Variants in FARS2 observed in about 807,000 individuals in gnomAD.
FARS2 encodes the protein phenylalanyl-tRNA synthetase 2, mitochondrial, also known as phenylalanine--tRNA ligase, mitochondrial.
FARS2 carries 40 observed loss-of-function variants against 46.4 expected under a neutral mutation model. The ratio of observed to expected loss-of-function variants is 0.86; its 90% CI spans 0.67 to 1.12. The LOEUF is 1.12. FARS2 is among the 50% of genes most tolerant of loss of function. The pLI is 0.00. For missense variants in FARS2, 513 were observed against 567.9 expected (o/e 0.90, Z 0.98); for synonymous variants, 234 against 214.9 (o/e 1.09, Z -0.78).
chr6:5,354,808 C>T (rs542741493), intron 1 of FARS2, among the ~76,000 whole-genome samples: 6 of 152,126 alleles, frequency 3.9e-5, no homozygotes, highest in Admixed American at 1.3e-4. Context: ...CCACCGCGCC[C>T]GGCCTATGCT....
At chr6:5,374,428 TA>T (rs1759251353) in intron 2 of FARS2, among the ~76,000 whole-genome samples, 1 of 152,044 alleles carries the variant, frequency 6.6e-6, no homozygotes, top group Non-Finnish European at 1.5e-5. Context: ...AAATTAAAGA[TA>T]AAAGCATTCA....
At chr6:5,340,847 G>C (rs1361122810) in intron 1 of FARS2, among the ~76,000 whole-genome samples, 2 of 151,818 alleles carry the variant, frequency 1.3e-5, no homozygotes, top group African/African-American at 4.8e-5. Context: ...GGGAATAGAA[G>C]ACACAAAATG....
chr6:5,383,760 C>CTT (rs5873976), intron 2 of FARS2, among the ~76,000 whole-genome samples: 197 of 145,232 alleles, frequency 1.4e-3, no homozygotes, highest in African/African-American at 3.0e-3. Context: ...TTCTGATCTA[C>CTT]TTTTTTTTTT....
At chr6:5,308,041 T>G (rs543449322) in intron 1 of FARS2, among the ~76,000 whole-genome samples, 18 of 152,326 alleles carry the variant, frequency 1.2e-4, no homozygotes, top group Middle Eastern at 3.4e-3. Flanking sequence ...AGGTGTGAGA[T>G]TTTTATGTTT....
At chr6:5,338,463 C>G (rs1040471294) in intron 1 of FARS2, among the ~76,000 whole-genome samples, 1 of 152,100 alleles carries the variant, frequency 6.6e-6, no homozygotes, top group Non-Finnish European at 1.5e-5. Context: ...TTTCAAATGC[C>G]CCACAGTCCT....
intron 1 of FARS2, among the ~76,000 whole-genome samples, chr6:5,313,870 AAAAT>A (rs1178676559): frequency 6.6e-6 from 1 of 152,004 alleles, no homozygotes; most frequent in Non-Finnish European, 1.5e-5. Context: ...AAAATAAAAT[AAAAT>A]AAATAACCTC....
intron 3 of FARS2, among the ~76,000 whole-genome samples, chr6:5,416,610 G>A (rs1762254360): frequency 1.3e-5 from 2 of 151,970 alleles, no homozygotes; most frequent in African/African-American, 4.8e-5. Context: ...TAATTAGATT[G>A]TTTACATTTG....
intron 5 of FARS2, among the ~76,000 whole-genome samples, chr6:5,604,389 G>A (rs1456988176): frequency 6.6e-6 from 1 of 152,168 alleles, no homozygotes; most frequent in Non-Finnish European, 1.5e-5. Flanking sequence ...CCCCCAGAAA[G>A]CAAACTCTGA....
In FARS2 at chr6:5,323,007, G is replaced by A. The variant is rs558405798; in HGVS notation, c.-21-45543G>A. 2.6e-5 allele frequency among the ~76,000 whole-genome samples: 4 copies of A among 152,144 alleles called. No homozygotes were observed. The East Asian group carries it at 7.7e-4, about 29-fold the overall frequency. ...CCAAAAACAATTGTTTTATTTGAAA[G>A]CTTTCTTTTGGAAGCAACTAATGCA... On this transcript the variant is annotated intron_variant, in intron 1 of 6. Transcript: ENST00000274680.
rs150669887 is a variant in FARS2, at chr6:5,729,096, G to T, written c.1218-42195G>T. On this transcript the variant is annotated intron_variant, in intron 6 of 6. Coordinates refer to ENST00000274680, the MANE Select transcript of FARS2 (RefSeq NM_006567.5). Reference sequence around the variant, plus strand: ...CATACTGCAGATGACTCTTATTTCCGTTTTTCACAACTTAACTGAAAAGGG... The same window carrying T: ...CATACTGCAGATGACTCTTATTTCCTTTTTTCACAACTTAACTGAAAAGGG... 7.7e-3 allele frequency among the ~76,000 whole-genome samples: 1,165 copies of T among 152,266 alleles called. 7 individuals carry two copies. Among genetic ancestry groups the T allele is most frequent in the Admixed American group, 0.013 (193 of 15,294 alleles).
intron 4 of FARS2, among the ~76,000 whole-genome samples, chr6:5,525,313 G>A (rs1212904273): frequency 6.6e-6 from 1 of 151,988 alleles, no homozygotes; most frequent in African/African-American, 2.4e-5. Flanking sequence ...TGGCTTTCCT[G>A]CTGTGGGAAA....
chr6:5,458,883 A>G (rs1035273122), intron 4 of FARS2, among the ~76,000 whole-genome samples: 2 of 152,240 alleles, frequency 1.3e-5, no homozygotes. Flanking sequence ...GAGAAGGGCC[A>G]TCCATGACTG....
At chr6:5,428,578 ATTATT>A (rs1762980420) in intron 3 of FARS2, among the ~76,000 whole-genome samples, 1 of 152,180 alleles carries the variant, frequency 6.6e-6, no homozygotes, top group African/African-American at 2.4e-5. Context: ...AAAGATAGAA[ATTATT>A]TTGTCTGTCA....
intron 1 of FARS2, among the ~76,000 whole-genome samples, chr6:5,351,079 C>A (rs1757543733): frequency 6.6e-6 from 1 of 152,066 alleles, no homozygotes; most frequent in African/African-American, 2.4e-5. Context: ...AGGATATTAC[C>A]TCAGTAAGAA....
chr6:5,394,588 G>T, intron 2 of FARS2, among the ~76,000 whole-genome samples: 1 of 151,936 alleles, frequency 6.6e-6, no homozygotes, highest in East Asian at 1.9e-4. Flanking sequence ...AAACTATGAA[G>T]GTTTTATTAC....
chr6:5,264,735 T>TA (rs1765433625), intron 1 of FARS2, among the ~76,000 whole-genome samples: 1 of 152,114 alleles, frequency 6.6e-6, no homozygotes, highest in Non-Finnish European at 1.5e-5. Context: ...TATAAGATGA[T>TA]ATAGTCACAG....
At chr6:5,494,886 C>A (rs753962149) in intron 4 of FARS2, among the ~76,000 whole-genome samples, 3 of 152,142 alleles carry the variant, frequency 2.0e-5, no homozygotes, top group Non-Finnish European at 2.9e-5. Flanking sequence ...AAAAAGCAAT[C>A]GAAAATAACT....
intron 6 of FARS2, among the ~76,000 whole-genome samples, chr6:5,662,723 G>A (rs1310337642): frequency 6.6e-6 from 1 of 152,220 alleles, no homozygotes; most frequent in Non-Finnish European, 1.5e-5. Flanking sequence ...AGCTAGCAAA[G>A]TAGAATTGGT....
intron 1 of FARS2, among the ~76,000 whole-genome samples, chr6:5,341,219 ATATATATATATATATATT>A (rs1355387134): frequency 0.017 from 84 of 4,992 alleles, 7 homozygotes; most frequent in African/African-American, 0.06. Flanking sequence ...ATATATATAT[ATATATATATATATATATT>A]TTTTTTTTTT....
Sources: gnomAD v4.1 joint callset for allele counts (sites outside exome capture counted in the v4.1 genomes callset) on GRCh38, gnomAD v4.1.1 for gene constraint, MANE v1.5 for transcripts, NCBI Gene and HGNC (gene_info 2026-07-23, HGNC 2026-07-21) for gene names.